ZNF277: variants seen among roughly 807,000 people sequenced by gnomAD.
ZNF277 encodes nuclear receptor-interacting factor 4.
A neutral mutation model predicts 60.7 loss-of-function variants in ZNF277; 55 were observed. That is an observed-to-expected ratio of 0.91 (90% CI 0.73 to 1.13). ZNF277 has a LOEUF of 1.13. Among genes scored for constraint, ZNF277 ranks in the 50% most tolerant of loss-of-function variants. ZNF277 has a pLI of 0.00. For missense variants in ZNF277, 510 were observed against 523.0 expected (o/e 0.98, Z 0.24); for synonymous variants, 178 against 179.3 (o/e 0.99, Z 0.06).
At chr7:112,302,400 T>TA (rs1335703986) in intron 4 of ZNF277, among the ~76,000 whole-genome samples, 2 of 152,086 alleles carry the variant, frequency 1.3e-5, no homozygotes, top group African/African-American at 4.8e-5. Flanking sequence ...AAACTGAAAG[T>TA]AAAAAAATCA....
At chr7:112,256,347 CTA>C (rs1042808146) in intron 1 of ZNF277, among the ~76,000 whole-genome samples, 20 of 150,560 alleles carry the variant, frequency 1.3e-4, no homozygotes, top group Non-Finnish European at 1.5e-4. Flanking sequence ...AAGAGGAAGA[CTA>C]TACTCTTGAG....
At chr7:112,250,469 C>T (rs1439694994) in intron 1 of ZNF277, among the ~76,000 whole-genome samples, 1 of 152,106 alleles carries the variant, frequency 6.6e-6, no homozygotes, top group African/African-American at 2.4e-5. Flanking sequence ...TCGCACACTC[C>T]CTCCCTTTTT....
intron 2 of ZNF277, among the ~76,000 whole-genome samples, chr7:112,295,565 T>C (rs1005336062): frequency 5.3e-5 from 8 of 152,118 alleles, no homozygotes; most frequent in Admixed American, 2.0e-4. Flanking sequence ...TTCAGAAAAA[T>C]TCATTATCAC....
intron 1 of ZNF277, among the ~76,000 whole-genome samples, chr7:112,273,428 G>A (rs972427687): frequency 3.9e-5 from 6 of 152,186 alleles, no homozygotes; most frequent in African/African-American, 1.2e-4. Flanking sequence ...ACTGCTGGGG[G>A]ATGGGGGAAG....
At chr7:112,332,576 A>G (rs1459323232) in intron 7 of ZNF277, among the ~76,000 whole-genome samples, 2 of 152,194 alleles carry the variant, frequency 1.3e-5, no homozygotes, top group Non-Finnish European at 2.9e-5. Flanking sequence ...AAGTGAGCCA[A>G]GGTCAAAGTA....
At chr7:112,290,930 A>T (rs1282972659) in intron 2 of ZNF277, among the ~76,000 whole-genome samples, 1 of 152,160 alleles carries the variant, frequency 6.6e-6, no homozygotes, top group Non-Finnish European at 1.5e-5. Flanking sequence ...CTCAGAACTC[A>T]AGAGGAATTG....
chr7:112,330,301 CAA>C, intron 7 of ZNF277, 85 bp downstream of exon 7: 4 of 1,377,360 alleles, frequency 2.9e-6, no homozygotes, highest in Non-Finnish European at 4.0e-6. Context: ...TTTGAATAAG[CAA>C]TTATTGCAAA....
At chr7:112,221,363 G>A (rs1272405417) in intron 1 of ZNF277, among the ~76,000 whole-genome samples, 1 of 152,046 alleles carries the variant, frequency 6.6e-6, no homozygotes, top group Non-Finnish European at 1.5e-5. Context: ...CCGCCATCTT[G>A]GAAGCAGCCT....
In ZNF277 at chr7:112,343,520, T is replaced by C. The variant is rs894968204; in HGVS notation, c.*791T>C. 1.3e-5 allele frequency among the ~76,000 whole-genome samples: 2 copies of C among 152,204 alleles called. No homozygotes were observed. On this transcript the variant is annotated 3_prime_UTR_variant, in exon 12 of 12. Transcript: ENST00000361822. Reference sequence around the variant, plus strand: ...TATGTTTACAATATTATCAGTTTCATTACTGATGAATATTATATGCCTCCT... The same window carrying C: ...TATGTTTACAATATTATCAGTTTCACTACTGATGAATATTATATGCCTCCT...
intron 1 of ZNF277, among the ~76,000 whole-genome samples, chr7:112,247,525 T>C (rs1791111834): frequency 6.6e-6 from 1 of 152,110 alleles, no homozygotes; most frequent in Non-Finnish European, 1.5e-5. Context: ...GAAATAATAT[T>C]GGTGTGAGGC....
At chr7:112,302,980 A>C (rs1308329928) in intron 4 of ZNF277, among the ~76,000 whole-genome samples, 1 of 140,552 alleles carries the variant, frequency 7.1e-6, no homozygotes, top group Non-Finnish European at 1.5e-5. Flanking sequence ...ACAGAGTGTC[A>C]GTCTGTCACC....
At chr7:112,330,542 T>G (rs1793203937) in intron 7 of ZNF277, 1 of 167,606 alleles carries the variant, frequency 6.0e-6, no homozygotes, top group Non-Finnish European at 1.2e-5. Flanking sequence ...GGCCAGAGAC[T>G]CCTTTCTTTT....
At chr7:112,302,098 T>A (rs1432596356) in intron 4 of ZNF277, among the ~76,000 whole-genome samples, 1 of 152,126 alleles carries the variant, frequency 6.6e-6, no homozygotes, top group South Asian at 2.1e-4. Context: ...AAGGCCTAAC[T>A]GTATGAAGGT....
intron 2 of ZNF277, among the ~76,000 whole-genome samples, chr7:112,290,535 G>T (rs954985291): frequency 1.3e-5 from 2 of 152,120 alleles, no homozygotes; most frequent in African/African-American, 2.4e-5. Flanking sequence ...TGATATAAGT[G>T]CTTTCTAAAG....
At chr7:112,280,330 TC>T (rs1362955143) in intron 1 of ZNF277, among the ~76,000 whole-genome samples, 2 of 152,168 alleles carry the variant, frequency 1.3e-5, no homozygotes, top group Non-Finnish European at 2.9e-5. Flanking sequence ...TTGAGGGTCT[TC>T]CCCAGAATCA....
chr7:112,212,135 A>G (rs1162205136), intron 1 of ZNF277, among the ~76,000 whole-genome samples: 1 of 152,250 alleles, frequency 6.6e-6, no homozygotes, highest in Non-Finnish European at 1.5e-5. Flanking sequence ...GTTTTTTAAA[A>G]TAAAGTTTTA....
At chr7:112,208,246 A>T (rs1192476556) in intron 1 of ZNF277, among the ~76,000 whole-genome samples, 1 of 151,968 alleles carries the variant, frequency 6.6e-6, no homozygotes, top group African/African-American at 2.4e-5. Context: ...GTGGTGGCGG[A>T]TGCCTGTAGT....
chr7:112,272,558 A>G (rs998780681), intron 1 of ZNF277, among the ~76,000 whole-genome samples: 7 of 152,178 alleles, frequency 4.6e-5, no homozygotes, highest in African/African-American at 1.7e-4. Context: ...CAATGGCACA[A>G]TCTTGGCTCA....
At chr7:112,321,642 G>A (rs573803884) in intron 5 of ZNF277, among the ~76,000 whole-genome samples, 4 of 152,064 alleles carry the variant, frequency 2.6e-5, no homozygotes, top group African/African-American at 7.2e-5. Context: ...GTTTCTTGTT[G>A]GAGAGATCTG....
Sources: allele counts gnomAD v4.1 joint callset (sites outside exome capture counted in the v4.1 genomes callset), GRCh38; gene constraint gnomAD v4.1.1; transcripts MANE v1.5; gene names NCBI Gene and HGNC (gene_info 2026-07-23, HGNC 2026-07-21).